ZFP64: variants seen among roughly 807,000 people sequenced by gnomAD.
The protein encoded by ZFP64 is ZFP64 zinc finger protein.
Under a neutral mutation model 51.6 loss-of-function variants are expected in ZFP64, and 14 were observed. The observed-to-expected ratio is 0.27, with a 90% CI of 0.18 to 0.42. The LOEUF (loss-of-function observed/expected upper bound fraction) is 0.42. ZFP64 is among the 10% of genes least tolerant of loss of function. The pLI is 1.00. For missense variants in ZFP64, 754 were observed against 906.8 expected (o/e 0.83, Z 2.16); for synonymous variants, 375 against 361.4 (o/e 1.04, Z -0.43).
At chr20:52,148,503 C>T (rs568093021), downstream of ZFP64, among the ~76,000 whole-genome samples, 12 of 152,298 alleles carry the variant, frequency 7.9e-5, no homozygotes, top group South Asian at 1.2e-3. Context: ...GAGTTTAAGA[C>T]GAGCATGGCC....
intron 2 of ZFP64, among the ~76,000 whole-genome samples, chr20:52,171,850 C>T (rs924980698): frequency 4.0e-5 from 6 of 151,530 alleles, no homozygotes; most frequent in African/African-American, 1.5e-4. Context: ...TGGGTTCAAG[C>T]GATTCTCCCG....
At chr20:52,175,916 CT>C in intron 2 of ZFP64, 2 of 985,110 alleles carry the variant, frequency 2.0e-6, no homozygotes, top group Non-Finnish European at 2.4e-6. Context: ...AAATCCACCC[CT>C]TTCACTTACG....
chr20:52,139,639 C>A (rs1444468715), intron 5 of ZFP64, among the ~76,000 whole-genome samples: 1 of 151,828 alleles, frequency 6.6e-6, no homozygotes, highest in Admixed American at 6.6e-5. Flanking sequence ...CATGTACCCC[C>A]TAAACCTAAA....
At chr20:52,117,640 C>CA (rs1165180570) in intron 5 of ZFP64, 1 of 456,252 alleles carries the variant, frequency 2.2e-6, no homozygotes, top group African/African-American at 2.0e-5. Flanking sequence ...AAACAAAACA[C>CA]AAAAAAGAAG....
intron 2 of ZFP64, among the ~76,000 whole-genome samples, chr20:52,171,972 T>G (rs1438925587): frequency 6.6e-6 from 1 of 152,156 alleles, no homozygotes; most frequent in African/African-American, 2.4e-5. Context: ...GGTCTCACAC[T>G]CCTGCCTCAG....
At chr20:52,097,600 G>T (rs1358831640) in intron 6 of ZFP64, among the ~76,000 whole-genome samples, 1 of 151,858 alleles carries the variant, frequency 6.6e-6, no homozygotes, top group Non-Finnish European at 1.5e-5. Context: ...GATTACAGGC[G>T]CCTGCCACCA....
chr20:52,117,789 GATT>G (rs1978957704), intron 5 of ZFP64: 1 of 417,988 alleles, frequency 2.4e-6, no homozygotes, highest in Non-Finnish European at 4.7e-6. Flanking sequence ...TACATTTTAT[GATT>G]ATTATTCTTT....
At chr20:52,157,452 T>C (rs1360329861) in intron 5 of ZFP64, among the ~76,000 whole-genome samples, 1 of 152,158 alleles carries the variant, frequency 6.6e-6, no homozygotes, top group African/African-American at 2.4e-5. Flanking sequence ...CTGAGAAAGT[T>C]TCTCAAAGGT....
At chr20:52,188,979 TA>T (rs898999803) in intron 1 of ZFP64, among the ~76,000 whole-genome samples, 150 of 138,908 alleles carry the variant, frequency 1.1e-3, no homozygotes, top group Non-Finnish European at 9.3e-4. Flanking sequence ...CCGTCTCACA[TA>T]AAAAAAAAAA....
At chr20:52,102,823 A>G (rs1051501766) in intron 5 of ZFP64, among the ~76,000 whole-genome samples, 1 of 152,190 alleles carries the variant, frequency 6.6e-6, no homozygotes, top group Non-Finnish European at 1.5e-5. Context: ...GCTTAGATGA[A>G]GTTCTTTAGT....
chr20:52,178,336 C>T lies in ZFP64; in HGVS notation c.286+8496G>A, dbSNP rs145367706. On this transcript the variant is annotated intron_variant, in intron 2 of 5. Transcript: ENST00000216923. ...ACCCGGTTCTGCCACTTTCTGTCAT[C>T]TGGACAAGTTATTTAACCCCTCTGT... is the stretch of plus-strand genomic sequence containing the variant. Among the ~76,000 whole-genome samples the T allele has an allele frequency of 5.1e-4, 77 of 152,306 alleles. No individual in the cohort carries two copies. The East Asian group carries it at 0.014, about 27-fold the overall frequency.
At chr20:52,123,713 C>G (rs1046876912) in intron 5 of ZFP64, among the ~76,000 whole-genome samples, 2 of 152,098 alleles carry the variant, frequency 1.3e-5, no homozygotes, top group African/African-American at 4.8e-5. Context: ...TTGTTACTAC[C>G]TGGGCCTCAT....
chr20:52,090,048 G>GA (rs999326562), intron 7 of ZFP64, among the ~76,000 whole-genome samples: 2 of 152,284 alleles, frequency 1.3e-5, no homozygotes, highest in African/African-American at 4.8e-5. Context: ...GGACAAGGGG[G>GA]AAAAGACGCC....
At position 52,164,751 on chromosome 20, in the gene ZFP64, T is replaced by C; in HGVS notation, c.455A>G (p.Gln152Arg). The change falls in exon 4 of 6, where the codon CAA (glutamine) becomes CGA (arginine). Residue 152 changes from glutamine to arginine, a missense_variant. Physicochemically the swap from Gln to Arg is conservative, Grantham distance 43. This residue lies in a region of ZFP64 where 231 missense variants were observed against 336.7 expected (regional missense o/e 0.69). Transcript: ENST00000216923. ...CTTCATGCCATAAGCAGTCTTGAAT[T>C]GGCAACCTAAAAAAAAAAAGGAAAG... ...KRLNCCYPGC[Q>R]FKTAYGMKDM... is the part of the protein sequence containing the mutation. 6.2e-7 allele frequency: 1 copy of C among 1,603,894 alleles called. No individual in the cohort carries two copies. Among genetic ancestry groups the C allele is most frequent in the Non-Finnish European group, 8.5e-7 (1 of 1,176,438 alleles).
chr20:52,110,864 C>G, intron 5 of ZFP64: 1 of 1,610,300 alleles, frequency 6.2e-7, no homozygotes, highest in Non-Finnish European at 8.5e-7. Flanking sequence ...ATCCCCACCT[C>G]TGCCACCAAG....
chr20:52,159,133 C>G lies in ZFP64; in HGVS notation c.763+990G>C, dbSNP rs181327814. ...GCCAAGCCAAGATCAACAGAGTTGT[C>G]CAGTCAACTTCCTGCTGACCTAAAG... On this transcript the variant is annotated intron_variant, in intron 5 of 5. Transcript: ENST00000216923. Among the ~76,000 whole-genome samples the G allele has an allele frequency of 3.9e-5, 6 of 152,306 alleles. No homozygotes were observed. In the East Asian group the frequency reaches 1.2e-3, roughly 29 times the overall value.
intron 5 of ZFP64, among the ~76,000 whole-genome samples, chr20:52,112,846 G>A (rs1313163093): frequency 6.6e-6 from 1 of 151,754 alleles, no homozygotes; most frequent in Non-Finnish European, 1.5e-5. Flanking sequence ...TGAACTCCTG[G>A]GCTCAAGTGA....
chr20:52,118,078 G>A (rs183471122), intron 5 of ZFP64, among the ~76,000 whole-genome samples: 9 of 152,164 alleles, frequency 5.9e-5, no homozygotes, highest in African/African-American at 1.2e-4. Flanking sequence ...GATTACAGGC[G>A]TGAGGCACCA....
intron 2 of ZFP64, among the ~76,000 whole-genome samples, chr20:52,172,982 G>A (rs931092208): frequency 6.6e-6 from 1 of 152,094 alleles, no homozygotes; most frequent in Non-Finnish European, 1.5e-5. Context: ...TCATGATGTT[G>A]TTTAAAATGT....
Sources: allele counts gnomAD v4.1 joint callset (sites outside exome capture counted in the v4.1 genomes callset), GRCh38; gene constraint gnomAD v4.1.1; regional missense constraint gnomAD v4.1.1; transcripts MANE v1.5; gene names NCBI Gene and HGNC (gene_info 2026-07-23, HGNC 2026-07-21).